The following RCAN1 variants were observed in gnomAD, a reference collection of about 807,000 sequenced individuals.
The protein encoded by RCAN1 is regulator of calcineurin 1.
RCAN1 carries 11 observed loss-of-function variants against 22.9 expected under a neutral mutation model. The ratio of observed to expected loss-of-function variants is 0.48; its 90% CI spans 0.30 to 0.79. The LOEUF (loss-of-function observed/expected upper bound fraction) is 0.79, where lower values mean the gene tolerates loss of function less well. RCAN1 is among the 30% of genes least tolerant of loss of function. The pLI, the probability that RCAN1 is intolerant of heterozygous loss-of-function variation, is 0.06. For missense variants in RCAN1, 291 were observed against 337.8 expected, an observed-to-expected ratio of 0.86 and a Z score of 1.09; for synonymous variants, 136 against 142.3, an observed-to-expected ratio of 0.96 and a Z score of 0.32.
chr21:34,519,372 CT>C (rs1417372417), intron 3 of RCAN1, among the ~76,000 whole-genome samples: 1 of 144,908 alleles, frequency 6.9e-6, no homozygotes, highest in African/African-American at 2.5e-5. Flanking sequence ...CTTTTCTTTT[CT>C]TTTTTCTTTT....
At position 34,523,617 on chromosome 21, in the gene RCAN1, G is replaced by A. The variant is rs763737897; in HGVS notation, c.346C>T (p.Pro116Ser). Residue 116 changes from proline to serine, a missense_variant, in exon 2 of 4, where the codon CCC (proline) becomes TCC (serine). Transcript: ENST00000313806. ...FKRVRINFSN[P>S]FSAADARLQL... is the part of the protein sequence containing the mutation. ...AGCCTGGCATCTGCTGCGGAGAAGG[G>A]GTTGCTGAAGTTTATTCTGACTCGT... 1 of 1,614,044 alleles carries A rather than the reference G, an allele frequency of 6.2e-7. No homozygotes were observed. The highest frequency in any genetic ancestry group is 8.5e-7 in the Non-Finnish European group (1 of 1,180,004).
intron 1 of RCAN1, among the ~76,000 whole-genome samples, chr21:34,531,675 G>A (rs1275229883): frequency 6.6e-6 from 1 of 152,128 alleles, no homozygotes; most frequent in Non-Finnish European, 1.5e-5. Flanking sequence ...ACTGTTCAAG[G>A]TCGTCTTGTG....
At chr21:34,598,676 T>TA (rs1289891841) in intron 1 of RCAN1, among the ~76,000 whole-genome samples, 1 of 152,094 alleles carries the variant, frequency 6.6e-6, no homozygotes, top group African/African-American at 2.4e-5. Context: ...GAACTACAAA[T>TA]AAAAATAATA....
Position 34,614,165 on chromosome 21 carries a change from G to A in RCAN1, c.252+595C>T, listed in dbSNP as rs891202572. 2.2e-6 allele frequency: 2 copies of A among 899,668 alleles called. No homozygotes were observed. The highest frequency in any genetic ancestry group is 2.7e-6 in the Non-Finnish European group (2 of 731,836). 55.7% of individuals were successfully genotyped at this position (899,668 alleles called of 1,614,324 possible). On this transcript the variant is annotated intron_variant, in intron 1 of 3. Coordinates refer to ENST00000313806, the MANE Select transcript of RCAN1 (RefSeq NM_004414.7). This position sits in a 1 kb window ranked among gnomAD's most constrained non-coding sequence, Gnocchi z 6.0. ...GGCAAGCCACACCTTCACACAAGGG[G>A]GCAAGGTTCTTGACTAAATATCCTA...
At chr21:34,599,250 A>G (rs1232897799) in intron 1 of RCAN1, among the ~76,000 whole-genome samples, 2 of 152,208 alleles carry the variant, frequency 1.3e-5, no homozygotes, top group Non-Finnish European at 2.9e-5. Context: ...ATGACAATCA[A>G]TAGGAATAGC....
At chr21:34,541,992 A>T (rs1985934076) in intron 1 of RCAN1, among the ~76,000 whole-genome samples, 1 of 152,232 alleles carries the variant, frequency 6.6e-6, no homozygotes. Context: ...ACACATTTTT[A>T]AAATTTTGGT....
At chr21:34,556,933 G>T (rs939264356) in intron 1 of RCAN1, among the ~76,000 whole-genome samples, 2 of 152,224 alleles carry the variant, frequency 1.3e-5, no homozygotes, top group African/African-American at 4.8e-5. Flanking sequence ...GCTGTAAAAG[G>T]CTGGGCATGG....
intron 1 of RCAN1, among the ~76,000 whole-genome samples, chr21:34,545,517 T>A: frequency 6.6e-6 from 1 of 152,312 alleles, no homozygotes. Flanking sequence ...AGAAAATAGA[T>A]GTGACCCCCA....
intron 1 of RCAN1, among the ~76,000 whole-genome samples, chr21:34,562,387 C>T (rs1171824197): frequency 1.3e-5 from 2 of 152,100 alleles, no homozygotes; most frequent in Admixed American, 6.5e-5. Context: ...CCCAGGAAAG[C>T]GTATTTCCAT....
intron 1 of RCAN1, among the ~76,000 whole-genome samples, chr21:34,609,491 C>T (rs994305780): frequency 2.0e-5 from 3 of 152,056 alleles, no homozygotes; most frequent in East Asian, 1.9e-4. Flanking sequence ...ACAGGCCCTG[C>T]GGTGATATGT....
At chr21:34,613,860 G>T in intron 1 of RCAN1, 1 of 1,435,878 alleles carries the variant, frequency 7.0e-7, no homozygotes, top group South Asian at 1.5e-5. Context: ...AGCATTTGTG[G>T]ACCCACAGCC....
At chr21:34,536,169 C>T (rs724386) in intron 1 of RCAN1, among the ~76,000 whole-genome samples, 89,223 of 152,082 alleles carry the variant, frequency 0.59, 27,611 homozygotes, top group African/African-American at 0.79. Flanking sequence ...AAAATAGCCA[C>T]AGGCAAATCA....
intron 1 of RCAN1, among the ~76,000 whole-genome samples, chr21:34,612,817 C>CAT (rs1367406125): frequency 6.6e-6 from 1 of 152,230 alleles, no homozygotes; most frequent in Non-Finnish European, 1.5e-5. Context: ...CAGGCCTGGA[C>CAT]ATCCCTTGTT....
chr21:34,539,062 G>T (rs973779732), intron 1 of RCAN1, among the ~76,000 whole-genome samples: 1 of 152,122 alleles, frequency 6.6e-6, no homozygotes, highest in Non-Finnish European at 1.5e-5. Context: ...GCTTCAAGAA[G>T]AATATCGGTA....
chr21:34,549,487 G>C (rs1006995231), intron 1 of RCAN1, among the ~76,000 whole-genome samples: 7 of 152,154 alleles, frequency 4.6e-5, no homozygotes, highest in Non-Finnish European at 1.0e-4. Context: ...GGTGAATACC[G>C]AGGATCCCAA....
At chr21:34,577,991 G>A (rs1180255097) in intron 1 of RCAN1, among the ~76,000 whole-genome samples, 1 of 152,160 alleles carries the variant, frequency 6.6e-6, no homozygotes, top group African/African-American at 2.4e-5. Flanking sequence ...ACAGCCTGCT[G>A]GAAAGTCAGA....
intron 1 of RCAN1, among the ~76,000 whole-genome samples, chr21:34,592,262 G>A (rs1601207023): frequency 1.3e-5 from 2 of 152,188 alleles, no homozygotes; most frequent in South Asian, 4.1e-4. Flanking sequence ...CCTCTGCCCT[G>A]GTCTGCGTGC....
intron 1 of RCAN1, among the ~76,000 whole-genome samples, chr21:34,609,172 A>G (rs1988620122): frequency 6.6e-6 from 1 of 152,230 alleles, no homozygotes; most frequent in African/African-American, 2.4e-5. Flanking sequence ...GTTTTTCCCA[A>G]GAAGAGACAT....
chr21:34,586,289 C>A (rs9983381), intron 1 of RCAN1, among the ~76,000 whole-genome samples: 1 of 151,682 alleles, frequency 6.6e-6, no homozygotes, highest in Non-Finnish European at 1.5e-5. Context: ...TTATCAAAAC[C>A]GACTTACTGT....
Sources: allele counts gnomAD v4.1 joint callset (sites outside exome capture counted in the v4.1 genomes callset), GRCh38; gene constraint gnomAD v4.1.1; non-coding constraint Gnocchi (gnomAD v3.1); transcripts MANE v1.5; gene names NCBI Gene and HGNC (gene_info 2026-07-23, HGNC 2026-07-21).